Variants in ZNF385B observed in about 807,000 individuals in gnomAD.
ZNF385B encodes zinc finger protein 533.
Under a neutral mutation model 39.2 loss-of-function variants are expected in ZNF385B, and 23 were observed. The ratio of observed to expected loss-of-function variants is 0.59; its 90% CI spans 0.42 to 0.83. ZNF385B has a LOEUF of 0.83. ZNF385B is among the 40% of genes least tolerant of loss of function. ZNF385B has a pLI of 0.00. For missense variants in ZNF385B, 552 were observed against 598.9 expected (o/e 0.92, Z 0.82); for synonymous variants, 205 against 222.6 (o/e 0.92, Z 0.70).
chr2:179,707,684 G>A (rs148234345), intron 3 of ZNF385B, among the ~76,000 whole-genome samples: 239 of 152,330 alleles, frequency 1.6e-3, no homozygotes, highest in African/African-American at 5.5e-3. Flanking sequence ...CCCAACTTAG[G>A]GGAAATGGAG....
intron 3 of ZNF385B, among the ~76,000 whole-genome samples, chr2:179,641,971 T>G (rs1208713443): frequency 6.6e-6 from 1 of 152,186 alleles, no homozygotes. Flanking sequence ...CAGCACTGTC[T>G]GTCTCAAGGT....
chr2:179,450,257 C>A (rs1299104323), intron 6 of ZNF385B, among the ~76,000 whole-genome samples: 1 of 152,138 alleles, frequency 6.6e-6, no homozygotes, highest in East Asian at 1.9e-4. Context: ...CAAATGGGAT[C>A]TAATTAAACT....
At chr2:179,853,071 G>A (rs570037488) in intron 1 of ZNF385B, among the ~76,000 whole-genome samples, 1 of 152,214 alleles carries the variant, frequency 6.6e-6, no homozygotes, top group Admixed American at 6.5e-5. Flanking sequence ...AAGCTCTTTG[G>A]TAATCCTCCC....
At chr2:179,748,928 AG>A (rs1423482222) in intron 3 of ZNF385B, among the ~76,000 whole-genome samples, 1 of 152,086 alleles carries the variant, frequency 6.6e-6, no homozygotes, top group Non-Finnish European at 1.5e-5. Context: ...TTATGTGAAG[AG>A]GGGTCTTTCT....
At chr2:179,445,780 C>T (rs945193695) in intron 7 of ZNF385B, 52 bp from the exon 8 acceptor site, 64 of 1,469,730 alleles carry the variant, frequency 4.4e-5, no homozygotes, top group Non-Finnish European at 5.6e-5. Context: ...TTATATAAAG[C>T]TCTTTGTTTT....
chr2:179,446,822 A>AAGAT (rs753175494), intron 6 of ZNF385B, 52 bp from the exon 7 acceptor site: 2 of 1,528,850 alleles, frequency 1.3e-6, no homozygotes, highest in South Asian at 2.6e-5. Context: ...CATATAAACA[A>AAGAT]AGATAAATCA....
chr2:179,569,098 C>A (rs1275970362), intron 3 of ZNF385B, among the ~76,000 whole-genome samples: 1 of 152,126 alleles, frequency 6.6e-6, no homozygotes, highest in Non-Finnish European at 1.5e-5. Flanking sequence ...TACCTGCATT[C>A]TCTAGATGAG....
chr2:179,599,161 G>C (rs1688223080), intron 3 of ZNF385B, among the ~76,000 whole-genome samples: 1 of 152,122 alleles, frequency 6.6e-6, no homozygotes, highest in Non-Finnish European at 1.5e-5. Flanking sequence ...TCTATGCTTA[G>C]ATACACCAAA....
intron 5 of ZNF385B, among the ~76,000 whole-genome samples, chr2:179,509,829 CT>C (rs2057530480): frequency 6.6e-6 from 1 of 152,148 alleles, no homozygotes; most frequent in Non-Finnish European, 1.5e-5. Flanking sequence ...TTGCAACTAG[CT>C]TTTTGGTTCC....
chr2:179,664,869 G>GT (rs1227772422), intron 3 of ZNF385B, among the ~76,000 whole-genome samples: 1 of 151,922 alleles, frequency 6.6e-6, no homozygotes, highest in Non-Finnish European at 1.5e-5. Context: ...CAGGATTTTT[G>GT]TTTATTATTT....
At chr2:179,707,324 C>T (rs1001950457) in intron 3 of ZNF385B, among the ~76,000 whole-genome samples, 1 of 152,150 alleles carries the variant, frequency 6.6e-6, no homozygotes, top group African/African-American at 2.4e-5. Flanking sequence ...AAATGGCATC[C>T]ATCACAAACC....
chr2:179,757,146 G>A (rs950130744), intron 3 of ZNF385B, among the ~76,000 whole-genome samples: 31 of 152,112 alleles, frequency 2.0e-4, no homozygotes, highest in African/African-American at 6.8e-4. Flanking sequence ...GTTTTGGTGT[G>A]GATGTCCTTT....
chr2:179,514,799 A>G (rs1319042898), intron 5 of ZNF385B, among the ~76,000 whole-genome samples: 2 of 134,160 alleles, frequency 1.5e-5, no homozygotes, highest in Non-Finnish European at 3.2e-5. Flanking sequence ...TTTTTTTTAG[A>G]TGGAATTTTG....
At chr2:179,661,770 G>A (rs1243643820) in intron 3 of ZNF385B, among the ~76,000 whole-genome samples, 1 of 152,130 alleles carries the variant, frequency 6.6e-6, no homozygotes, top group African/African-American at 2.4e-5. Flanking sequence ...CTACCCACAA[G>A]GAAGTATTCA....
At chr2:179,551,322 G>C (rs1440499087) in intron 3 of ZNF385B, among the ~76,000 whole-genome samples, 1 of 152,028 alleles carries the variant, frequency 6.6e-6, no homozygotes, top group Non-Finnish European at 1.5e-5. Context: ...AGTAATACAA[G>C]GTGGTCACAG....
At chr2:179,505,006 C>T (rs1420036746) in intron 5 of ZNF385B, among the ~76,000 whole-genome samples, 1 of 151,994 alleles carries the variant, frequency 6.6e-6, no homozygotes, top group Non-Finnish European at 1.5e-5. Context: ...AACCACATCA[C>T]TGTATAATTC....
At chr2:179,772,771 C>T (rs1704085591) in intron 1 of ZNF385B, among the ~76,000 whole-genome samples, 2 of 152,260 alleles carry the variant, frequency 1.3e-5, no homozygotes, top group South Asian at 2.1e-4. Flanking sequence ...ACATGTTTCA[C>T]TTGAGTGGGA....
At chr2:179,686,252 C>G (rs908913971) in intron 3 of ZNF385B, among the ~76,000 whole-genome samples, 3 of 152,202 alleles carry the variant, frequency 2.0e-5, no homozygotes, top group Non-Finnish European at 2.9e-5. Context: ...ATTCCTTAGG[C>G]CTCTATATTA....
chr2:179,656,719 T>C (rs927923646), intron 3 of ZNF385B, among the ~76,000 whole-genome samples: 16 of 152,182 alleles, frequency 1.1e-4, no homozygotes, highest in African/African-American at 3.4e-4. Context: ...TTTTTCATAC[T>C]TGTCTCCCAA....
Sources: gnomAD v4.1 joint callset for allele counts (sites outside exome capture counted in the v4.1 genomes callset) on GRCh38, gnomAD v4.1.1 for gene constraint, MANE v1.5 for transcripts, NCBI Gene and HGNC (gene_info 2026-07-23, HGNC 2026-07-21) for gene names.